Variants in PTPRD observed in about 807,000 individuals in gnomAD.
PTPRD encodes protein tyrosine phosphatase receptor type D.
Under a neutral mutation model 214.5 loss-of-function variants are expected in PTPRD, and 34 were observed. The ratio of observed to expected loss-of-function variants is 0.16; its 90% CI spans 0.12 to 0.21. The LOEUF is 0.21. PTPRD is among the 10% of genes least tolerant of loss of function. The pLI, the probability that PTPRD is intolerant of heterozygous loss-of-function variation, is 1.00. For synonymous variants in PTPRD, 1,128 were observed against 845.7 expected, an observed-to-expected ratio of 1.33 and a Z score of -5.79; for missense variants, 2,545 against 2,398.7, an observed-to-expected ratio of 1.06 and a Z score of -1.27.
chr9:9,733,367 T>C (rs2098233922), intron 7 of PTPRD, among the ~76,000 whole-genome samples: 1 of 152,168 alleles, frequency 6.6e-6, no homozygotes, highest in Admixed American at 6.5e-5. Context: ...AGATCTGATA[T>C]ACAACTTTAA....
At chr9:9,315,319 C>G (rs1029664045) in intron 9 of PTPRD, among the ~76,000 whole-genome samples, 2 of 151,874 alleles carry the variant, frequency 1.3e-5, no homozygotes, top group East Asian at 3.9e-4. Context: ...GCTACCATAT[C>G]ACTGTGATTT....
intron 8 of PTPRD, among the ~76,000 whole-genome samples, chr9:9,492,037 A>G (rs1453665898): frequency 6.6e-6 from 1 of 151,922 alleles, no homozygotes; most frequent in East Asian, 1.9e-4. Context: ...ATAAATTACT[A>G]AAATGAGAAA....
chr9:8,954,005 A>G (rs1008397482), intron 11 of PTPRD, among the ~76,000 whole-genome samples: 3 of 152,020 alleles, frequency 2.0e-5, no homozygotes, highest in Non-Finnish European at 4.4e-5. Context: ...ATATACCCAA[A>G]GTAAAAGAAA....
chr9:9,069,588 T>C (rs1180716210), intron 10 of PTPRD, among the ~76,000 whole-genome samples: 1 of 152,210 alleles, frequency 6.6e-6, no homozygotes, highest in Non-Finnish European at 1.5e-5. Context: ...AGCCTTGTAT[T>C]GAGGCCTTCA....
chr9:8,880,164 C>G (rs1037904123), intron 11 of PTPRD, among the ~76,000 whole-genome samples: 1 of 152,056 alleles, frequency 6.6e-6, no homozygotes, highest in African/African-American at 2.4e-5. Flanking sequence ...TCAGTCATAG[C>G]CCTGAGAAAA....
At chr9:9,076,838 C>G (rs1404856142) in intron 10 of PTPRD, among the ~76,000 whole-genome samples, 2 of 147,738 alleles carry the variant, frequency 1.4e-5, no homozygotes. Context: ...ATTGCTGGAA[C>G]ATATGGTAGC....
intron 8 of PTPRD, among the ~76,000 whole-genome samples, chr9:9,527,258 G>A (rs975813607): frequency 1.3e-5 from 2 of 152,122 alleles, no homozygotes; most frequent in Admixed American, 1.3e-4. Context: ...TCACCTATAA[G>A]TGTCTGTTGT....
chr9:9,203,155 G>A (rs558405120), intron 9 of PTPRD, among the ~76,000 whole-genome samples: 1 of 152,090 alleles, frequency 6.6e-6, no homozygotes, highest in East Asian at 1.9e-4. Flanking sequence ...ACTTGAACCT[G>A]GGAGGCGGAG....
At chr9:8,881,025 C>T (rs2098441678) in intron 11 of PTPRD, among the ~76,000 whole-genome samples, 1 of 152,142 alleles carries the variant, frequency 6.6e-6, no homozygotes, top group Admixed American at 6.5e-5. Context: ...CCTCGGCCTC[C>T]CAAAGTGCTA....
At chr9:9,381,918 AT>A (rs2062421525) in intron 9 of PTPRD, among the ~76,000 whole-genome samples, 1 of 149,914 alleles carries the variant, frequency 6.7e-6, no homozygotes. Context: ...AAAAAAAAAA[AT>A]CATTGGGGTT....
Position 8,633,323 on chromosome 9 carries a change from A to G in PTPRD, c.346T>C (p.Leu116=). ...CCTTCACTTGAGCACTTACCCCGCA[A>G]AACTGTGAGTCTGGTGGATACACTT... ...EISVSTRLTV[L]REDQIPRGFP... The change falls in exon 14 of 46, where the codon TTG becomes CTG. Residue 116 remains leucine, a synonymous_variant. Coordinates refer to ENST00000381196, the MANE Select transcript of PTPRD (RefSeq NM_002839.4). 6.2e-7 allele frequency: 1 copy of G among 1,611,296 alleles called. No individual in the cohort carries two copies. The highest frequency in any genetic ancestry group is 8.5e-7 in the Non-Finnish European group (1 of 1,178,514).
intron 11 of PTPRD, among the ~76,000 whole-genome samples, chr9:8,826,777 T>C (rs1050362532): frequency 5.3e-5 from 8 of 152,126 alleles, no homozygotes; most frequent in South Asian, 2.1e-4. Flanking sequence ...TTTAGCATGA[T>C]GCCTGACAAA....
chr9:9,927,772 T>G (rs114477443), intron 5 of PTPRD, among the ~76,000 whole-genome samples: 2 of 152,290 alleles, frequency 1.3e-5, no homozygotes, highest in African/African-American at 4.8e-5. Context: ...TGCCTCTTTC[T>G]TTAGTCATTG....
intron 10 of PTPRD, among the ~76,000 whole-genome samples, chr9:9,099,849 A>T (rs1399803150): frequency 6.6e-5 from 10 of 152,082 alleles, no homozygotes; most frequent in Non-Finnish European, 4.4e-5. Context: ...TGCTTTTGCA[A>T]TGTGAATTAA....
At chr9:10,068,299 CT>C (rs1685207764) in intron 3 of PTPRD, among the ~76,000 whole-genome samples, 1 of 151,792 alleles carries the variant, frequency 6.6e-6, no homozygotes, top group Non-Finnish European at 1.5e-5. Context: ...GGAACTTGGC[CT>C]TTTCATCATG....
chr9:9,570,234 G>A (rs1045744191), intron 8 of PTPRD, among the ~76,000 whole-genome samples: 1 of 151,312 alleles, frequency 6.6e-6, no homozygotes, highest in Admixed American at 6.6e-5. Flanking sequence ...GACTTCAAAC[G>A]GTGTTTGTGA....
intron 9 of PTPRD, among the ~76,000 whole-genome samples, chr9:9,233,653 T>G (rs573783696): frequency 6.6e-6 from 1 of 152,318 alleles, no homozygotes; most frequent in Non-Finnish European, 1.5e-5. Context: ...TTAGGGTACA[T>G]GCATTGGGTA....
chr9:8,810,170 T>C (rs2096772811), intron 11 of PTPRD, among the ~76,000 whole-genome samples: 1 of 152,210 alleles, frequency 6.6e-6, no homozygotes, highest in Non-Finnish European at 1.5e-5. Context: ...GATGGAAAGC[T>C]AGAATTGCAT....
chr9:10,593,771 A>G (rs1426020512), intron 2 of PTPRD, among the ~76,000 whole-genome samples: 1 of 152,010 alleles, frequency 6.6e-6, no homozygotes. Context: ...TCTTGAAGCA[A>G]AATATGTTTT....
Sources: allele counts gnomAD v4.1 joint callset (sites outside exome capture counted in the v4.1 genomes callset), GRCh38; gene constraint gnomAD v4.1.1; transcripts MANE v1.5; gene names NCBI Gene and HGNC (gene_info 2026-07-23, HGNC 2026-07-21).